The following PLS1 variants were observed in gnomAD, a reference collection of about 807,000 sequenced individuals.
The protein encoded by PLS1 is plastin-1.
A neutral mutation model predicts 73.7 loss-of-function variants in PLS1; 32 were observed. The ratio of observed to expected loss-of-function variants is 0.43; its 90% CI spans 0.33 to 0.58. The LOEUF (loss-of-function observed/expected upper bound fraction) is 0.58, where lower values mean the gene tolerates loss of function less well. Among genes scored for constraint, PLS1 ranks in the 20% least tolerant of loss-of-function variants. The probability of loss-of-function intolerance (pLI) is 0.04; values close to 1 mark genes in which losing one functional copy is unlikely to be tolerated. For synonymous variants in PLS1, 217 were observed against 261.3 expected, an observed-to-expected ratio of 0.83 and a Z score of 1.63; for missense variants, 633 against 740.5, an observed-to-expected ratio of 0.85 and a Z score of 1.68.
intron 1 of PLS1, among the ~76,000 whole-genome samples, chr3:142,611,460 A>G (rs2036119149): frequency 6.6e-6 from 1 of 152,190 alleles, no homozygotes; most frequent in Non-Finnish European, 1.5e-5. Flanking sequence ...TGTCTCTACA[A>G]AAAATTTAAA....
At chr3:142,680,362 G>A (rs1350262358) in intron 6 of PLS1, among the ~76,000 whole-genome samples, 1 of 152,130 alleles carries the variant, frequency 6.6e-6, no homozygotes, top group Non-Finnish European at 1.5e-5. Flanking sequence ...ACCATGCCTG[G>A]CCAAAACTGG....
At chr3:142,604,064 G>A (rs1333538723) in intron 1 of PLS1, among the ~76,000 whole-genome samples, 1 of 152,086 alleles carries the variant, frequency 6.6e-6, no homozygotes, top group African/African-American at 2.4e-5. Context: ...CAAGAAAGAA[G>A]ATGTTTATAT....
chr3:142,621,929 T>A (rs2036322846), intron 1 of PLS1, among the ~76,000 whole-genome samples: 1 of 152,182 alleles, frequency 6.6e-6, no homozygotes, highest in Non-Finnish European at 1.5e-5. Context: ...GAATTTTCAA[T>A]GCAAAAAACA....
chr3:142,694,449 T>G lies in PLS1; in HGVS notation c.1178-20T>G. The G allele has an allele frequency of 6.6e-7, 1 of 1,523,482 alleles. No individual in the cohort carries two copies. The highest frequency in any genetic ancestry group is 1.1e-5 in the South Asian group (1 of 88,564). The allele number at this position is 1,523,482 out of a possible 1,614,324, so 94.4% of individuals were successfully genotyped here. ...TTCCTTTTGTCCTGAGTCATCAGTG[T>G]GAGCTTGTGTCTACTCTAGGAGAGA... On this transcript the variant is annotated intron_variant, in intron 10 of 15. Coordinates refer to ENST00000457734, the MANE Select transcript of PLS1 (RefSeq NM_001145319.2).
At chr3:142,660,917 T>A (rs2037357631) in intron 1 of PLS1, among the ~76,000 whole-genome samples, 1 of 152,208 alleles carries the variant, frequency 6.6e-6, no homozygotes, top group African/African-American at 2.4e-5. Context: ...GCAAAGAATA[T>A]AACCCCAGTT....
At position 142,669,604 on chromosome 3, in the gene PLS1, T is replaced by C. The variant is rs776302084; in HGVS notation, c.234+51T>C. On this transcript the variant is annotated intron_variant, in intron 3 of 15. Coordinates refer to ENST00000457734, the MANE Select transcript of PLS1 (RefSeq NM_001145319.2). ...ACTGATAATCTTGCTTAGAGCAGAA[T>C]TGTAGTAATGTCATCACTAGCTTTG... 26 of 1,345,366 alleles carry C rather than the reference T, an allele frequency of 1.9e-5. No homozygotes were observed. In the East Asian group the frequency reaches 5.5e-4, roughly 28 times the overall value. 83.3% of individuals were successfully genotyped at this position (1,345,366 alleles called of 1,614,324 possible).
At chr3:142,676,729 A>G (rs779405081) in intron 5 of PLS1, among the ~76,000 whole-genome samples, 3 of 151,976 alleles carry the variant, frequency 2.0e-5, no homozygotes, top group Admixed American at 6.5e-5. Flanking sequence ...TTTGCATTCT[A>G]TTTTTTCTCA....
intron 1 of PLS1, among the ~76,000 whole-genome samples, chr3:142,645,973 T>A (rs2036945042): frequency 6.6e-6 from 1 of 152,120 alleles, no homozygotes; most frequent in African/African-American, 2.4e-5. Flanking sequence ...ACATAAGATG[T>A]AGGCATGGAA....
chr3:142,680,307 T>C (rs2037821445), intron 6 of PLS1, among the ~76,000 whole-genome samples: 1 of 152,100 alleles, frequency 6.6e-6, no homozygotes, highest in Non-Finnish European at 1.5e-5. Context: ...TCAAGTGATC[T>C]TCCTGCTTCA....
chr3:142,664,660 A>G (rs945334059), intron 2 of PLS1, among the ~76,000 whole-genome samples: 1 of 152,248 alleles, frequency 6.6e-6, no homozygotes, highest in Non-Finnish European at 1.5e-5. Flanking sequence ...ACATCTTTGC[A>G]CTAACAATAA....
At chr3:142,711,815 A>G in intron 15 of PLS1, 57 bp from the exon 16 acceptor site, 1 of 1,560,862 alleles carries the variant, frequency 6.4e-7, no homozygotes. Flanking sequence ...TTTTGTTAAA[A>G]TATGTTAAGT....
At chr3:142,683,760 T>C (rs987254645) in intron 6 of PLS1, among the ~76,000 whole-genome samples, 2 of 152,214 alleles carry the variant, frequency 1.3e-5, no homozygotes, top group South Asian at 2.1e-4. Flanking sequence ...AGTACATATA[T>C]AGATACACAG....
At chr3:142,658,308 G>C (rs1577851530) in intron 1 of PLS1, among the ~76,000 whole-genome samples, 1 of 151,844 alleles carries the variant, frequency 6.6e-6, no homozygotes, top group Non-Finnish European at 1.5e-5. Flanking sequence ...CCCTGTCTCT[G>C]CTAAAAATAC....
intron 1 of PLS1, chr3:142,657,143 G>T (rs1473822104): frequency 1.3e-5 from 2 of 152,262 alleles, no homozygotes; most frequent in African/African-American, 4.8e-5. Flanking sequence ...GTGGCTACCT[G>T]GGAAACACCC....
chr3:142,676,949 A>G lies in PLS1; in HGVS notation c.497+660A>G, dbSNP rs1460581155. Among the ~76,000 whole-genome samples, 4 of 151,860 alleles carry G rather than the reference A, an allele frequency of 2.6e-5. No individual in the cohort carries two copies. The East Asian group carries it at 5.8e-4, about 22-fold the overall frequency. ...CACATTTCCTTCAGTCTTTTTTTTT[A>G]TGTTTTTACTTAAAAAGGAAAACAA... is the stretch of plus-strand genomic sequence containing the variant. On this transcript the variant is annotated intron_variant, in intron 5 of 15. Coordinates refer to ENST00000457734, the MANE Select transcript of PLS1 (RefSeq NM_001145319.2).
intron 1 of PLS1, among the ~76,000 whole-genome samples, chr3:142,638,086 G>A (rs2108604807): frequency 6.6e-6 from 1 of 152,198 alleles, no homozygotes; most frequent in East Asian, 1.9e-4. Context: ...CGCTTAACCT[G>A]AGATTCCAAA....
chr3:142,655,757 T>G (rs905948067), intron 1 of PLS1, among the ~76,000 whole-genome samples: 1 of 151,038 alleles, frequency 6.6e-6, no homozygotes, highest in African/African-American at 2.4e-5. Flanking sequence ...ACAAAAGAGT[T>G]AGTCAGTTTG....
intron 1 of PLS1, among the ~76,000 whole-genome samples, chr3:142,621,912 A>T (rs142054366): frequency 1.3e-5 from 2 of 152,294 alleles, no homozygotes; most frequent in African/African-American, 4.8e-5. Context: ...GTCTCCTTGA[A>T]ATAATGGAAT....
chr3:142,677,668 G>T (rs1231862999), intron 5 of PLS1, among the ~76,000 whole-genome samples: 1 of 151,864 alleles, frequency 6.6e-6, no homozygotes, highest in Non-Finnish European at 1.5e-5. Flanking sequence ...ATTCAGGATG[G>T]TTAAAAAAAA....
Sources: gnomAD v4.1 joint callset for allele counts (sites outside exome capture counted in the v4.1 genomes callset) on GRCh38, gnomAD v4.1.1 for gene constraint, MANE v1.5 for transcripts, NCBI Gene and HGNC (gene_info 2026-07-23, HGNC 2026-07-21) for gene names.